The following CLSTN2 variants were observed in gnomAD, a reference collection of about 807,000 sequenced individuals.
CLSTN2 encodes the protein calsyntenin 2.
In CLSTN2, 48 loss-of-function variants were observed where a neutral mutation model predicts 101.2. The observed-to-expected ratio is 0.47, with a 90% CI of 0.38 to 0.60. The LOEUF is 0.60. CLSTN2 is among the 20% of genes least tolerant of loss of function. CLSTN2 has a pLI of 0.00. For synonymous variants in CLSTN2, 481 were observed against 463.6 expected, an observed-to-expected ratio of 1.04 and a Z score of -0.48; for missense variants, 1,160 against 1,238.2, an observed-to-expected ratio of 0.94 and a Z score of 0.95.
chr3:140,165,536 G>A (rs2010122023), intron 1 of CLSTN2, among the ~76,000 whole-genome samples: 1 of 152,164 alleles, frequency 6.6e-6, no homozygotes, highest in South Asian at 2.1e-4. Flanking sequence ...GGTGACGGGA[G>A]AACAGGAGGG....
intron 5 of CLSTN2, among the ~76,000 whole-genome samples, chr3:140,445,600 G>A (rs1933058421): frequency 6.6e-6 from 1 of 152,144 alleles, no homozygotes; most frequent in South Asian, 2.1e-4. Flanking sequence ...GGGGAGAGAG[G>A]AGAGATAGAT....
Position 140,419,731 on chromosome 3 carries a change from A to G in CLSTN2, c.638-1394A>G, listed in dbSNP as rs779917031. Among the ~76,000 whole-genome samples, 78 of 65,328 alleles carry G rather than the reference A, an allele frequency of 1.2e-3. 17 individuals carry two copies. The highest frequency in any genetic ancestry group is 6.6e-3 in the Admixed American group (51 of 7,766). The allele number at this position is 65,328 out of a possible 152,430, so 42.9% of individuals were successfully genotyped here. ...TATATATGTATATATACGTATATAC[A>G]TGTATATACGTATATATACACATAT... On this transcript the variant is annotated intron_variant, in intron 4 of 16. Coordinates refer to ENST00000458420, the MANE Select transcript of CLSTN2 (RefSeq NM_022131.3).
At chr3:140,149,602 T>G (rs2009831437) in intron 1 of CLSTN2, among the ~76,000 whole-genome samples, 1 of 152,022 alleles carries the variant, frequency 6.6e-6, no homozygotes, top group Non-Finnish European at 1.5e-5. Context: ...ACTACAGGCA[T>G]GCTGCACCAC....
rs140115075 is a variant in CLSTN2 at position 140,553,260 on chromosome 3, A to C, written c.1675-3253A>C. Among the ~76,000 whole-genome samples, 711 of 152,374 alleles carry C rather than the reference A, an allele frequency of 4.7e-3. 2 individuals are homozygous for C. Among genetic ancestry groups the C allele is most frequent in the Non-Finnish European group, 7.1e-3 (486 of 68,040 alleles). On this transcript the variant is annotated intron_variant, in intron 10 of 16. Coordinates refer to ENST00000458420, the MANE Select transcript of CLSTN2 (RefSeq NM_022131.3). Reference sequence around the variant, plus strand: ...GGCACAAAGACTCAGTGCTGGCATAATTACAATAGTAAGAATGATCATCCA... The same window carrying C: ...GGCACAAAGACTCAGTGCTGGCATACTTACAATAGTAAGAATGATCATCCA...
At chr3:140,050,379 A>G (rs1463895962) in intron 1 of CLSTN2, among the ~76,000 whole-genome samples, 1 of 152,204 alleles carries the variant, frequency 6.6e-6, no homozygotes, top group Non-Finnish European at 1.5e-5. Flanking sequence ...CACACACGGC[A>G]ATTTCACATA....
chr3:140,376,885 C>T (rs2087923590), intron 2 of CLSTN2, among the ~76,000 whole-genome samples: 1 of 152,120 alleles, frequency 6.6e-6, no homozygotes, highest in Admixed American at 6.5e-5. Flanking sequence ...GAGCCATGTC[C>T]CTGCCCTCTG....
chr3:140,134,563 A>T (rs1282372032), intron 1 of CLSTN2, among the ~76,000 whole-genome samples: 40 of 152,184 alleles, frequency 2.6e-4, no homozygotes, highest in Non-Finnish European at 1.2e-4. Context: ...GCCCGTGCCA[A>T]AGCTGAAAAA....
At chr3:140,285,447 C>A (rs1191458457) in intron 2 of CLSTN2, among the ~76,000 whole-genome samples, 1 of 152,020 alleles carries the variant, frequency 6.6e-6, no homozygotes, top group Non-Finnish European at 1.5e-5. Flanking sequence ...CTACAGACAC[C>A]CTCCAGTGCT....
chr3:140,334,212 C>A (rs2087419237), intron 2 of CLSTN2, among the ~76,000 whole-genome samples: 1 of 152,100 alleles, frequency 6.6e-6, no homozygotes, highest in Non-Finnish European at 1.5e-5. Context: ...CATCCAAATG[C>A]TACCCTAGAG....
chr3:139,964,461 G>A (rs1935561240), intron 1 of CLSTN2, among the ~76,000 whole-genome samples: 1 of 152,192 alleles, frequency 6.6e-6, no homozygotes, highest in South Asian at 2.1e-4. Context: ...GAGAGTCAGA[G>A]GAAGCTGCAG....
At chr3:140,280,441 G>C (rs1398592206) in intron 2 of CLSTN2, among the ~76,000 whole-genome samples, 1 of 152,094 alleles carries the variant, frequency 6.6e-6, no homozygotes, top group Non-Finnish European at 1.5e-5. Context: ...ATATCCAGAA[G>C]GTAGAAGGAG....
At chr3:140,034,852 T>C (rs1489978147) in intron 1 of CLSTN2, among the ~76,000 whole-genome samples, 1 of 152,146 alleles carries the variant, frequency 6.6e-6, no homozygotes, top group Non-Finnish European at 1.5e-5. Flanking sequence ...CCTCACAGGG[T>C]GACTAAAAAG....
At chr3:140,477,189 G>A (rs986437501) in intron 8 of CLSTN2, among the ~76,000 whole-genome samples, 1 of 152,138 alleles carries the variant, frequency 6.6e-6, no homozygotes, top group African/African-American at 2.4e-5. Context: ...CATCCTTAAT[G>A]TCTAAACATG....
intron 1 of CLSTN2, among the ~76,000 whole-genome samples, chr3:140,091,112 G>T (rs775695888): frequency 1.3e-5 from 2 of 152,084 alleles, no homozygotes; most frequent in African/African-American, 4.8e-5. Flanking sequence ...TATTTTAAAC[G>T]TGGGATAATG....
chr3:140,139,920 G>A (rs1452341511), intron 1 of CLSTN2, among the ~76,000 whole-genome samples: 1 of 152,224 alleles, frequency 6.6e-6, no homozygotes, highest in Non-Finnish European at 1.5e-5. Context: ...GAAACCCAGT[G>A]CAGATGAAGG....
At chr3:140,307,205 C>T (rs1171591317) in intron 2 of CLSTN2, among the ~76,000 whole-genome samples, 1 of 152,178 alleles carries the variant, frequency 6.6e-6, no homozygotes, top group East Asian at 1.9e-4. Context: ...CATTAAACCT[C>T]TTTCTTTTGT....
At chr3:140,456,964 C>T (rs185210424) in intron 6 of CLSTN2, among the ~76,000 whole-genome samples, 44 of 152,232 alleles carry the variant, frequency 2.9e-4, no homozygotes, top group Admixed American at 2.9e-3. Context: ...GTGTACCTCT[C>T]TATATATATC....
At chr3:140,482,107 T>C (rs1475998891) in intron 8 of CLSTN2, among the ~76,000 whole-genome samples, 3 of 152,230 alleles carry the variant, frequency 2.0e-5, no homozygotes, top group Non-Finnish European at 4.4e-5. Context: ...GCTCTTATTA[T>C]TTTGAGATAC....
At chr3:140,291,022 A>G (rs1447904898) in intron 2 of CLSTN2, among the ~76,000 whole-genome samples, 1 of 152,154 alleles carries the variant, frequency 6.6e-6, no homozygotes, top group Non-Finnish European at 1.5e-5. Context: ...TTTTCTTCAC[A>G]TCACCTTCAA....
Sources: allele counts gnomAD v4.1 joint callset (sites outside exome capture counted in the v4.1 genomes callset), GRCh38; gene constraint gnomAD v4.1.1; transcripts MANE v1.5; gene names NCBI Gene and HGNC (gene_info 2026-07-23, HGNC 2026-07-21).